The following PCDHA1 variants were observed in gnomAD, a reference collection of about 807,000 sequenced individuals.
PCDHA1 encodes the protein protocadherin alpha 1.
PCDHA1 carries 42 observed loss-of-function variants against 61.3 expected under a neutral mutation model. That is an observed-to-expected ratio of 0.69 (90% CI 0.54 to 0.89). The LOEUF (loss-of-function observed/expected upper bound fraction) is 0.89, where lower values mean the gene tolerates loss of function less well. PCDHA1 is among the 40% of genes least tolerant of loss of function. PCDHA1 has a pLI of 0.00. For synonymous variants in PCDHA1, 610 were observed against 553.8 expected, an observed-to-expected ratio of 1.10 and a Z score of -1.43; for missense variants, 1,256 against 1,235.3, an observed-to-expected ratio of 1.02 and a Z score of -0.25.
intron 1 of PCDHA1, among the ~76,000 whole-genome samples, chr5:140,908,560 C>T (rs1562965261): frequency 6.6e-6 from 1 of 152,198 alleles, no homozygotes; most frequent in Non-Finnish European, 1.5e-5. Context: ...AGGCCAAGAG[C>T]TGTCTCTCAA....
At chr5:140,952,261 C>T (rs246037) in intron 1 of PCDHA1, among the ~76,000 whole-genome samples, 85,112 of 150,858 alleles carry the variant, frequency 0.56, 24,616 homozygotes, top group African/African-American at 0.69. Flanking sequence ...GATTCCCATT[C>T]TGGGGTCTTG....
At chr5:140,896,033 A>G (rs994719566) in intron 1 of PCDHA1, among the ~76,000 whole-genome samples, 2 of 151,874 alleles carry the variant, frequency 1.3e-5, no homozygotes, top group East Asian at 1.9e-4. Flanking sequence ...CTGGTCTCGA[A>G]CTCCTGACCT....
At chr5:140,803,141 G>C (rs782312882) in intron 1 of PCDHA1, 2 of 1,613,872 alleles carry the variant, frequency 1.2e-6, no homozygotes, top group South Asian at 2.2e-5. Context: ...ATCGCCTACT[G>C]GTGCTGGTGA....
chr5:140,801,192 C>A, intron 1 of PCDHA1: 2 of 1,584,552 alleles, frequency 1.3e-6, no homozygotes, highest in South Asian at 1.1e-5. Context: ...TTGGAAAATA[C>A]TTGCAATGTT....
intron 1 of PCDHA1, chr5:140,966,857 C>A: frequency 6.3e-7 from 1 of 1,575,742 alleles, no homozygotes; most frequent in Non-Finnish European, 8.6e-7. Flanking sequence ...TCTCCTGCTG[C>A]TGTTGCTGCT....
intron 1 of PCDHA1, among the ~76,000 whole-genome samples, chr5:140,926,036 C>A (rs2082873940): frequency 6.6e-6 from 1 of 152,168 alleles, no homozygotes; most frequent in South Asian, 2.1e-4. Context: ...TTGATGCGGA[C>A]ACTATTCCCC....
chr5:140,842,850 T>G (rs2150346345), intron 1 of PCDHA1: 1 of 1,593,838 alleles, frequency 6.3e-7, no homozygotes, highest in Non-Finnish European at 8.6e-7. Flanking sequence ...TACATTTCGG[T>G]GCACACGGAG....
Position 140,787,070 on chromosome 5 carries a change from A to G in PCDHA1, c.780A>G (p.Leu260=). ...TAGAGACTACAGCAAATGGAACATT[A>G]GTGACCACATTAAATGCCTCTGATG... ...HLLETTANGT[L]VTTLNASDAD... is the part of the protein sequence containing the mutation. The change falls in exon 1 of 4, where the codon TTA becomes TTG. Residue 260 remains leucine (L), a synonymous_variant. Transcript: ENST00000504120. 1 of 1,614,212 alleles carries G rather than the reference A, an allele frequency of 6.2e-7. No individual in the cohort carries two copies. The highest frequency in any genetic ancestry group is 8.5e-7 in the Non-Finnish European group (1 of 1,180,010).
In PCDHA1 at chr5:140,843,388, G is replaced by A; in HGVS notation, c.2394+54704G>A. 18 of 1,596,064 alleles carry A rather than the reference G, an allele frequency of 1.1e-5. 1 individual carries two copies. Among genetic ancestry groups the A allele is most frequent in the Non-Finnish European group, 1.5e-5 (17 of 1,165,572 alleles). ...GGCAGTCGGCTGGCGTTTTGGGTCCGGAAGCGGCGCTGGTGGATGTCAACG... is the reference window on the plus strand; with the variant it reads ...GGCAGTCGGCTGGCGTTTTGGGTCCAGAAGCGGCGCTGGTGGATGTCAACG... On this transcript the variant is annotated intron_variant, in intron 1 of 3. Coordinates refer to ENST00000504120, the MANE Select transcript of PCDHA1 (RefSeq NM_018900.4).
chr5:140,869,499 G>A, intron 1 of PCDHA1: 8 of 1,614,196 alleles, frequency 5.0e-6, no homozygotes, highest in Non-Finnish European at 5.9e-6. Context: ...ACCCGCCGGT[G>A]TTCTCGCTCA....
Position 140,842,608 on chromosome 5 carries a change from C to CG in PCDHA1, c.2394+53929dup, listed in dbSNP as rs1340734954. 5 of 1,557,100 alleles carry CG rather than the reference C, an allele frequency of 3.2e-6. 2 individuals carry two copies. In the African/African-American group the frequency reaches 7.2e-5, roughly 22 times the overall value. The stretch of plus-strand genomic sequence containing the variant: ...ATGAGTTGGTGGTAACCGCGCGGGA[C>CG]GGGGGCTCGCCTTCGCTGTGGGCCA... On this transcript the variant is annotated intron_variant, in intron 1 of 3. Coordinates refer to ENST00000504120, the MANE Select transcript of PCDHA1 (RefSeq NM_018900.4).
At chr5:140,887,125 C>G (rs1391575318) in intron 1 of PCDHA1, among the ~76,000 whole-genome samples, 3 of 150,080 alleles carry the variant, frequency 2.0e-5, no homozygotes. Context: ...GAGACGGAGT[C>G]TCACTCTGTC....
At chr5:140,821,548 C>T (rs2150109785) in intron 1 of PCDHA1, 2 of 493,744 alleles carry the variant, frequency 4.1e-6, no homozygotes, top group South Asian at 4.1e-5. Context: ...CCCTTTCATC[C>T]ACATGATGTC....
intron 1 of PCDHA1, chr5:140,809,570 A>G (rs1554125289): frequency 1.2e-6 from 2 of 1,604,996 alleles, no homozygotes; most frequent in East Asian, 4.5e-5. Flanking sequence ...ATCCTTTGCA[A>G]AGGTTAGTGT....
intron 1 of PCDHA1, among the ~76,000 whole-genome samples, chr5:140,831,468 T>C (rs1272624031): frequency 7.9e-6 from 1 of 126,066 alleles, no homozygotes; most frequent in African/African-American, 3.3e-5. Flanking sequence ...CAAGTGATTC[T>C]CTCACCTCAG....
At position 140,787,879 on chromosome 5, in the gene PCDHA1, T is replaced by A. The variant is rs1554118028; in HGVS notation, c.1589T>A (p.Leu530Gln). 1 of 1,613,274 alleles carries A rather than the reference T, an allele frequency of 6.2e-7. No individual in the cohort carries two copies. The change falls in exon 1 of 4, where the codon CTG (leucine) becomes CAG (glutamine). Residue 530 changes from leucine (L) to glutamine (Q), a missense_variant. Coordinates refer to ENST00000504120, the MANE Select transcript of PCDHA1 (RefSeq NM_018900.4). ...CCCCTGGACCACGAGGAGCTGGAGC[T>A]GCTGCAGTTCCAGGTGAGCGCGCGG... ...LQPLDHEELELLQFQVSARDA... is the reference protein window; with the variant it reads ...LQPLDHEELEQLQFQVSARDA...
At chr5:140,818,421 A>G (rs1363859481) in intron 1 of PCDHA1, among the ~76,000 whole-genome samples, 2 of 152,234 alleles carry the variant, frequency 1.3e-5, no homozygotes, top group Non-Finnish European at 2.9e-5. Context: ...TTTTAAAAAT[A>G]TATTTCTAAC....
intron 1 of PCDHA1, chr5:140,871,103 C>G (rs202137231): frequency 4.3e-6 from 7 of 1,613,290 alleles, no homozygotes; most frequent in South Asian, 2.2e-5. Flanking sequence ...GTGCTGGTGT[C>G]GTTGGTGGAG....
intron 1 of PCDHA1, among the ~76,000 whole-genome samples, chr5:140,873,502 T>C (rs1554166743): frequency 3.3e-5 from 5 of 152,346 alleles, no homozygotes; most frequent in Non-Finnish European, 7.3e-5. Context: ...AGTTGTGTCT[T>C]TTATACTTAA....
Sources: gnomAD v4.1 joint callset for allele counts (sites outside exome capture counted in the v4.1 genomes callset) on GRCh38, gnomAD v4.1.1 for gene constraint, MANE v1.5 for transcripts, NCBI Gene and HGNC (gene_info 2026-07-23, HGNC 2026-07-21) for gene names.